Variants in LRRFIP2 observed in about 807,000 individuals in gnomAD.
LRRFIP2 encodes the protein LRR binding FLII interacting protein 2, also known as leucine-rich repeat flightless-interacting protein 2.
Under a neutral mutation model 125.9 loss-of-function variants are expected in LRRFIP2, and 109 were observed. The ratio of observed to expected loss-of-function variants is 0.87; its 90% CI spans 0.74 to 1.01. LRRFIP2 has a LOEUF of 1.01. Among genes scored for constraint, LRRFIP2 ranks in the 50% least tolerant of loss-of-function variants. The pLI, the probability that LRRFIP2 is intolerant of heterozygous loss-of-function variation, is 0.00. For synonymous variants in LRRFIP2, 291 were observed against 293.1 expected, an observed-to-expected ratio of 0.99 and a Z score of 0.07; for missense variants, 850 against 862.3, an observed-to-expected ratio of 0.99 and a Z score of 0.18.
In LRRFIP2 at chr3:37,083,758, T is replaced by C; in HGVS notation, c.1156A>G (p.Asn386Asp). Reference sequence around the variant, plus strand: ...TTCTTCTCATTGTCTAACTGTGCATTGGAAACCATGGCTTTCTTGTATTTT... The same window carrying C: ...TTCTTCTCATTGTCTAACTGTGCATCGGAAACCATGGCTTTCTTGTATTTT... ...EEKYKKAMVSNAQLDNEKNNL... is the reference protein window; with the variant it reads ...EEKYKKAMVSDAQLDNEKNNL... The change falls in exon 19 of 28, where the codon AAT becomes GAT. Residue 386 changes from asparagine (N) to aspartate (D), a missense_variant. By Grantham distance (23) the Asn-to-Asp change is conservative. Transcript: ENST00000336686. 6.3e-7 allele frequency: 1 copy of C among 1,599,128 alleles called. No homozygotes were observed. The highest frequency in any genetic ancestry group is 8.5e-7 in the Non-Finnish European group (1 of 1,175,770).
intron 24 of LRRFIP2, among the ~76,000 whole-genome samples, chr3:37,059,354 AT>A (rs1376635624): frequency 6.6e-6 from 1 of 152,222 alleles, no homozygotes; most frequent in South Asian, 2.1e-4. Flanking sequence ...TCTAAAAAAA[AT>A]AAAACAAAAA....
At chr3:37,073,687 T>C (rs2091628067) in intron 20 of LRRFIP2, among the ~76,000 whole-genome samples, 1 of 152,220 alleles carries the variant, frequency 6.6e-6, no homozygotes, top group Admixed American at 6.5e-5. Flanking sequence ...TTTGTATACC[T>C]AGCACCCTAA....
At position 37,052,991 on chromosome 3, in the gene LRRFIP2, T is replaced by A. The variant is rs1478403272; in HGVS notation, c.*860A>T. 2 of 152,506 alleles carry A rather than the reference T, an allele frequency of 1.3e-5. No homozygotes were observed. The highest frequency in any genetic ancestry group is 4.8e-5 in the African/African-American group (2 of 41,434). The allele number at this position is 152,506 out of a possible 1,614,324, so 9.4% of individuals were successfully genotyped here. A position where few individuals can be genotyped will look rare whatever the true frequency, so the allele number is the denominator to read the frequency against. ...AAAGTCTCCTATAACAAAATGAACA[T>A]GTCAGTAGCCAATTGTGGTTGGCAA... On this transcript the variant is annotated 3_prime_UTR_variant, in exon 28 of 28. Transcript: ENST00000336686.
chr3:37,062,431 A>G (rs916383284), intron 24 of LRRFIP2, among the ~76,000 whole-genome samples: 1 of 152,236 alleles, frequency 6.6e-6, no homozygotes, highest in Non-Finnish European at 1.5e-5. Context: ...TAACAAAATC[A>G]TTCAAGAAAT....
intron 17 of LRRFIP2, among the ~76,000 whole-genome samples, chr3:37,092,355 C>T (rs2093491214): frequency 6.6e-6 from 1 of 152,194 alleles, no homozygotes; most frequent in African/African-American, 2.4e-5. Context: ...TGATTATACA[C>T]ATTTTTGGTA....
At chr3:37,054,072 A>G (rs1200615579) in intron 27 of LRRFIP2, 111 bp from the exon 28 acceptor site, 4 of 721,608 alleles carry the variant, frequency 5.5e-6, no homozygotes, top group Admixed American at 4.1e-5. Context: ...ATGGCCTTGC[A>G]CAGGACCCAC....
chr3:37,140,029 T>C (rs895160644), intron 2 of LRRFIP2, among the ~76,000 whole-genome samples: 4 of 152,244 alleles, frequency 2.6e-5, no homozygotes, highest in African/African-American at 9.6e-5. Flanking sequence ...TTCTGGACTT[T>C]CAATATCACT....
chr3:37,135,140 C>A, intron 2 of LRRFIP2: 1 of 1,184,866 alleles, frequency 8.4e-7, no homozygotes. Flanking sequence ...TGCATTATAG[C>A]TGGAATAAAC....
chr3:37,155,432 T>C (rs1346615287), intron 1 of LRRFIP2, among the ~76,000 whole-genome samples: 1 of 152,184 alleles, frequency 6.6e-6, no homozygotes, highest in Non-Finnish European at 1.5e-5. Flanking sequence ...ATAGAACAAT[T>C]TGGAAAAAAT....
intron 15 of LRRFIP2, among the ~76,000 whole-genome samples, chr3:37,100,350 GTA>G (rs199911064): frequency 4.2e-4 from 61 of 145,400 alleles, no homozygotes; most frequent in African/African-American, 1.3e-3. Flanking sequence ...GTATGTATGC[GTA>G]TATATATACA....
At position 37,055,162 on chromosome 3, in the gene LRRFIP2, T is replaced by C; in HGVS notation, c.1874A>G (p.Asp625Gly). 6.3e-7 allele frequency: 1 copy of C among 1,586,520 alleles called. No homozygotes were observed. The highest frequency in any genetic ancestry group is 8.6e-7 in the Non-Finnish European group (1 of 1,166,804). Reference protein sequence around the residue: ...SDLQFIEMQRDANRQISEYKF... With the variant: ...SDLQFIEMQRGANRQISEYKF... ...GTATTCGCTAATTTGTCTATTGGCA[T>C]CTCCTAGAACAGAAGAAGACAATGA... is the stretch of plus-strand genomic sequence containing the variant. The change falls in exon 26 of 28, where the codon GAT becomes GGT. Residue 625 changes from aspartate (D) to glycine (G), a missense_variant. Asp to Gly is a moderately conservative substitution (Grantham distance 94). Coordinates refer to ENST00000336686, the MANE Select transcript of LRRFIP2 (RefSeq NM_006309.4).
chr3:37,145,302 C>A (rs1038966906), intron 2 of LRRFIP2, among the ~76,000 whole-genome samples: 1 of 152,090 alleles, frequency 6.6e-6, no homozygotes, highest in Non-Finnish European at 1.5e-5. Flanking sequence ...CAAAAATATT[C>A]TTTTGGAATG....
chr3:37,149,748 C>G (rs1402603259), intron 1 of LRRFIP2, among the ~76,000 whole-genome samples: 1 of 152,030 alleles, frequency 6.6e-6, no homozygotes, highest in Non-Finnish European at 1.5e-5. Context: ...CACCTGTAAT[C>G]CCAGCACTTG....
At chr3:37,152,555 T>C (rs2096064215) in intron 1 of LRRFIP2, among the ~76,000 whole-genome samples, 1 of 152,190 alleles carries the variant, frequency 6.6e-6, no homozygotes, top group Admixed American at 6.5e-5. Flanking sequence ...GTGATTCTCC[T>C]GTCTCAGCCT....
chr3:37,096,024 T>G (rs2093698761), intron 16 of LRRFIP2, among the ~76,000 whole-genome samples: 2 of 152,200 alleles, frequency 1.3e-5, no homozygotes, highest in South Asian at 4.1e-4. Flanking sequence ...AAATTAATTT[T>G]ACCTGCTTTT....
chr3:37,139,152 A>G (rs2095629779), intron 2 of LRRFIP2, among the ~76,000 whole-genome samples: 1 of 129,108 alleles, frequency 7.7e-6, no homozygotes, highest in Non-Finnish European at 1.9e-5. Flanking sequence ...TTTAAACAAA[A>G]ATAAACAAAC....
At chr3:37,097,625 C>T (rs1366111050) in intron 15 of LRRFIP2, among the ~76,000 whole-genome samples, 10 of 152,092 alleles carry the variant, frequency 6.6e-5, no homozygotes. Context: ...TTCATAGTAG[C>T]CTGTTATCTC....
intron 1 of LRRFIP2, among the ~76,000 whole-genome samples, chr3:37,163,413 C>G (rs1192812554): frequency 1.3e-5 from 2 of 152,176 alleles, no homozygotes; most frequent in Non-Finnish European, 2.9e-5. Context: ...ATACCACATC[C>G]TGGCCTGGCC....
chr3:37,147,193 A>G (rs1437201119), intron 2 of LRRFIP2, among the ~76,000 whole-genome samples: 1 of 152,198 alleles, frequency 6.6e-6, no homozygotes, highest in Non-Finnish European at 1.5e-5. Flanking sequence ...TGATTATTAA[A>G]AAGTCAAGAA....
Sources: allele counts gnomAD v4.1 joint callset (sites outside exome capture counted in the v4.1 genomes callset), GRCh38; gene constraint gnomAD v4.1.1; transcripts MANE v1.5; gene names NCBI Gene and HGNC (gene_info 2026-07-23, HGNC 2026-07-21).